FHIT: variants seen among roughly 807,000 people sequenced by gnomAD.
FHIT encodes the protein fragile histidine triad diadenosine triphosphatase.
Under a neutral mutation model 17.9 loss-of-function variants are expected in FHIT, and 19 were observed. That is an observed-to-expected ratio of 1.06 (90% confidence interval 0.74 to 1.56). The LOEUF (loss-of-function observed/expected upper bound fraction) is 1.56. Among genes scored for constraint, FHIT ranks in the 40% most tolerant of loss-of-function variants. The pLI, the probability that FHIT is intolerant of heterozygous loss-of-function variation, is 0.00. For synonymous variants in FHIT, 81 were observed against 69.7 expected (o/e 1.16, Z -0.81); for missense variants, 248 against 189.2 (o/e 1.31, Z -1.82).
intron 8 of FHIT, among the ~76,000 whole-genome samples, chr3:59,919,354 C>T (rs1705294889): frequency 6.6e-6 from 1 of 152,092 alleles, no homozygotes; most frequent in Admixed American, 6.5e-5. Context: ...ATGATATCTG[C>T]CACTTTGTAG....
At chr3:61,205,443 G>T (rs989500033) in intron 1 of FHIT, among the ~76,000 whole-genome samples, 1 of 152,156 alleles carries the variant, frequency 6.6e-6, no homozygotes, top group Non-Finnish European at 1.5e-5. Context: ...CACCAACAGG[G>T]TAAAAGTGTT....
At chr3:60,451,323 G>T (rs1195745174) in intron 5 of FHIT, among the ~76,000 whole-genome samples, 1 of 151,950 alleles carries the variant, frequency 6.6e-6, no homozygotes, top group African/African-American at 2.4e-5. Context: ...CAGCCTTCCT[G>T]GTTCCCTGTG....
chr3:60,192,592 C>A (rs1284141940), intron 5 of FHIT, among the ~76,000 whole-genome samples: 1 of 152,156 alleles, frequency 6.6e-6, no homozygotes, highest in Non-Finnish European at 1.5e-5. Context: ...ACAGGGCATT[C>A]AGAAGTAAAT....
intron 3 of FHIT, among the ~76,000 whole-genome samples, chr3:60,951,269 A>G (rs1263632351): frequency 6.6e-6 from 1 of 152,250 alleles, no homozygotes; most frequent in Non-Finnish European, 1.5e-5. Context: ...ACAAAAGCAC[A>G]GGCAAAGAAG....
chr3:60,657,130 C>G (rs2040135327), intron 4 of FHIT, among the ~76,000 whole-genome samples: 1 of 152,082 alleles, frequency 6.6e-6, no homozygotes, highest in African/African-American at 2.4e-5. Context: ...AAATGTAGCT[C>G]ATGAATTATG....
At chr3:59,763,039 T>C (rs746361821) in intron 8 of FHIT, among the ~76,000 whole-genome samples, 12 of 152,222 alleles carry the variant, frequency 7.9e-5, no homozygotes, top group East Asian at 1.9e-4. Context: ...GTAAGCCTTT[T>C]TCCCCCCCGC....
chr3:60,971,770 G>T (rs1171170216), intron 3 of FHIT, among the ~76,000 whole-genome samples: 2 of 151,934 alleles, frequency 1.3e-5, no homozygotes, highest in African/African-American at 2.4e-5. Context: ...TAAATATTCA[G>T]GGCCTGGATC....
chr3:59,951,425 G>C (rs1467436345), intron 7 of FHIT, among the ~76,000 whole-genome samples: 1 of 152,218 alleles, frequency 6.6e-6, no homozygotes, highest in Non-Finnish European at 1.5e-5. Flanking sequence ...AAAAAAATAA[G>C]TTGGAGGTAA....
intron 5 of FHIT, among the ~76,000 whole-genome samples, chr3:60,032,526 A>T (rs1250295140): frequency 6.6e-6 from 1 of 152,330 alleles, no homozygotes; most frequent in South Asian, 2.1e-4. Context: ...ACAGCCAAAA[A>T]GGTGACTGAA....
intron 5 of FHIT, among the ~76,000 whole-genome samples, chr3:60,364,360 T>TC (rs1262090143): frequency 3.3e-5 from 5 of 152,212 alleles, no homozygotes; most frequent in African/African-American, 1.2e-4. Context: ...TTTGACCCCC[T>TC]CCTTGCCATG....
chr3:59,930,451 G>C (rs1310753541), intron 7 of FHIT, among the ~76,000 whole-genome samples: 1 of 152,162 alleles, frequency 6.6e-6, no homozygotes, highest in East Asian at 1.9e-4. Flanking sequence ...GACAGATAAA[G>C]ATCTGGTTAG....
At chr3:61,041,908 G>A (rs545012795) in intron 3 of FHIT, 139 bp downstream of exon 3, 1 of 152,170 alleles carries the variant, frequency 6.6e-6, no homozygotes, top group Non-Finnish European at 1.5e-5. Flanking sequence ...TGTGAGAACT[G>A]AAGGCTGTTT....
intron 4 of FHIT, among the ~76,000 whole-genome samples, chr3:60,629,154 T>C (rs1196403501): frequency 6.6e-6 from 1 of 152,028 alleles, no homozygotes; most frequent in African/African-American, 2.4e-5. Flanking sequence ...GAATGAGAAA[T>C]TCTAGTGACC....
chr3:60,582,856 A>G (rs928881919), intron 4 of FHIT, among the ~76,000 whole-genome samples: 1 of 152,032 alleles, frequency 6.6e-6, no homozygotes, highest in African/African-American at 2.4e-5. Context: ...TTCTCAGAAC[A>G]AATCTATATT....
intron 5 of FHIT, among the ~76,000 whole-genome samples, chr3:60,099,509 G>C (rs1325244844): frequency 6.6e-6 from 1 of 152,068 alleles, no homozygotes; most frequent in Non-Finnish European, 1.5e-5. Context: ...CTGTTAACCT[G>C]TACCCTCTAT....
chr3:60,864,633 T>G (rs1559785296), intron 3 of FHIT, among the ~76,000 whole-genome samples: 1 of 152,228 alleles, frequency 6.6e-6, no homozygotes, highest in South Asian at 2.1e-4. Context: ...GGAGCCTAAG[T>G]TGTCCTGACT....
intron 5 of FHIT, among the ~76,000 whole-genome samples, chr3:60,130,892 C>T (rs1016758845): frequency 4.3e-5 from 4 of 93,510 alleles, no homozygotes; most frequent in African/African-American, 1.8e-4. Flanking sequence ...TATATACACA[C>T]ATACACATAT....
At chr3:61,215,735 C>T (rs1048015796) in intron 1 of FHIT, among the ~76,000 whole-genome samples, 2 of 152,228 alleles carry the variant, frequency 1.3e-5, no homozygotes, top group Non-Finnish European at 2.9e-5. Flanking sequence ...CTCTACCTGA[C>T]TTCAAACTAT....
At chr3:60,532,737 T>G (rs1489692780) in intron 5 of FHIT, among the ~76,000 whole-genome samples, 1 of 152,208 alleles carries the variant, frequency 6.6e-6, no homozygotes, top group Non-Finnish European at 1.5e-5. Flanking sequence ...AGTGGCTGTT[T>G]TGAGAATGAA....
Sources: gnomAD v4.1 joint callset for allele counts (sites outside exome capture counted in the v4.1 genomes callset) on GRCh38, gnomAD v4.1.1 for gene constraint, MANE v1.5 for transcripts, NCBI Gene and HGNC (gene_info 2026-07-23, HGNC 2026-07-21) for gene names.